Variants in UGT1A9 observed in about 807,000 individuals in gnomAD.
UGT1A9 encodes the protein UDP glucuronosyltransferase family 1 member A9, also known as UDP-glucuronosyltransferase 1A9.
In UGT1A9, 35 loss-of-function variants were observed where a neutral mutation model predicts 45.0. The ratio of observed to expected loss-of-function variants is 0.78; its 90% CI spans 0.59 to 1.03. UGT1A9 has a LOEUF of 1.03. Ranked by LOEUF, UGT1A9 falls within the 50% of genes least tolerant of loss-of-function variation. The pLI is 0.00. For synonymous variants in UGT1A9, 278 were observed against 250.6 expected, an observed-to-expected ratio of 1.11 and a Z score of -1.03; for missense variants, 687 against 666.6, an observed-to-expected ratio of 1.03 and a Z score of -0.34.
In UGT1A9 at chr2:233,757,560, A is replaced by ATATG. The variant is rs904896556; in HGVS notation, c.856-9473_856-9472insATGT. On this transcript the variant is annotated intron_variant, in intron 1 of 4. Transcript: ENST00000354728. The stretch of plus-strand genomic sequence containing the variant: ...AATATATATATATATATATATATAT[A>ATATG]TGTATATATGATATAGCTATAGTCT... 2.4e-4 allele frequency among the ~76,000 whole-genome samples: 29 copies of ATATG among 123,152 alleles called. 1 individual carries two copies. The highest frequency in any genetic ancestry group is 9.5e-4 in the African/African-American group (28 of 29,358). 80.8% of individuals were successfully genotyped at this position (123,152 alleles called of 152,430 possible). A position where few individuals can be genotyped will look rare whatever the true frequency, so the allele number is the denominator to read the frequency against.
At chr2:233,693,042 C>G (rs1189353497) in intron 1 of UGT1A9, 1 of 1,614,012 alleles carries the variant, frequency 6.2e-7, no homozygotes, top group Non-Finnish European at 8.5e-7. Flanking sequence ...AGAATTTCTG[C>G]AGGGGTTTTC....
intron 1 of UGT1A9, among the ~76,000 whole-genome samples, chr2:233,736,326 T>A (rs2078751393): frequency 6.6e-6 from 1 of 152,232 alleles, no homozygotes; most frequent in South Asian, 2.1e-4. Flanking sequence ...TGTGCATGTG[T>A]TATGAAGTTC....
At position 233,769,465 on chromosome 2, in the gene UGT1A9, G is replaced by A. The variant is rs34036745; in HGVS notation, c.1295+1026G>A. On this transcript the variant is annotated intron_variant, in intron 4 of 4. Coordinates refer to ENST00000354728, the MANE Select transcript of UGT1A9 (RefSeq NM_021027.3). The surrounding 1 kb of genome is among the most constrained non-coding windows in gnomAD (Gnocchi z 4.4). The stretch of plus-strand genomic sequence containing the variant: ...GGTGCACACGTGTGCATTCATATGC[G>A]TGTGTGTGTGTGTGCGTGTGTTTAT... The A allele has an allele frequency of 1.9e-4, 256 of 1,316,538 alleles. No homozygotes were observed. Among genetic ancestry groups the A allele is most frequent in the Non-Finnish European group, 2.3e-4 (217 of 963,564 alleles). The allele number at this position is 1,316,538 out of a possible 1,614,324, so 81.6% of individuals were successfully genotyped here.
intron 1 of UGT1A9, among the ~76,000 whole-genome samples, chr2:233,710,615 T>C (rs2076139654): frequency 6.6e-6 from 1 of 152,224 alleles, no homozygotes; most frequent in Non-Finnish European, 1.5e-5. Flanking sequence ...TTTGTCTTCT[T>C]ATATTTGAGT....
intron 4 of UGT1A9, 25 bp downstream of exon 4, chr2:233,768,464 A>G (rs902987402): frequency 1.9e-6 from 3 of 1,606,818 alleles, no homozygotes; most frequent in Non-Finnish European, 2.6e-6. Flanking sequence ...ACAGAAGAAT[A>G]CTTTGGTCAT....
At chr2:233,765,952 G>A (rs898895578) in intron 1 of UGT1A9, among the ~76,000 whole-genome samples, 1 of 152,064 alleles carries the variant, frequency 6.6e-6, no homozygotes, top group Non-Finnish European at 1.5e-5. Context: ...TGACCTCACC[G>A]GCAGTGTCTA....
Position 233,693,352 on chromosome 2 carries a change from G to C in UGT1A9, c.855+20563G>C, listed in dbSNP as rs757976622. 15 of 1,614,056 alleles carry C rather than the reference G, an allele frequency of 9.3e-6. No homozygotes were observed. Among genetic ancestry groups the C allele is most frequent in the Admixed American group, 1.7e-5 (1 of 59,998 alleles). On this transcript the variant is annotated intron_variant, in intron 1 of 4. Transcript: ENST00000354728. ...CTCAGACAGAGTACAGGAATAACAT[G>C]ATTGTTATTGGCCTGTACTTCATCA...
At chr2:233,742,513 G>A (rs934347498) in intron 1 of UGT1A9, among the ~76,000 whole-genome samples, 9 of 151,822 alleles carry the variant, frequency 5.9e-5, no homozygotes, top group Non-Finnish European at 1.2e-4. Flanking sequence ...TCATGAACAC[G>A]TCACAGTGCT....
intron 1 of UGT1A9, chr2:233,682,767 G>A: frequency 6.2e-7 from 1 of 1,613,624 alleles, no homozygotes. Context: ...GGTATCAACT[G>A]TCATCAGGGA....
chr2:233,717,831 A>C (rs1289598238), intron 1 of UGT1A9: 1 of 455,268 alleles, frequency 2.2e-6, no homozygotes, highest in Non-Finnish European at 4.4e-6. Flanking sequence ...TCTGTTCTGG[A>C]GGAACCATTC....
chr2:233,682,752 T>C (rs369493706), intron 1 of UGT1A9: 65 of 1,613,820 alleles, frequency 4.0e-5, no homozygotes, highest in Middle Eastern at 3.3e-4. Context: ...ATGATCTTCA[T>C]TGGTGGTATC....
chr2:233,727,816 A>G (rs759645481), intron 1 of UGT1A9, among the ~76,000 whole-genome samples: 3 of 152,170 alleles, frequency 2.0e-5, no homozygotes, highest in Non-Finnish European at 4.4e-5. Context: ...GTTCTGTCCA[A>G]AGGTGGAATC....
rs760844779 is a variant in UGT1A9 at position 233,772,567 on chromosome 2, G to A, written c.*8G>A. On this transcript the variant is annotated 3_prime_UTR_variant, in exon 5 of 5. Transcript: ENST00000354728. ...AAATCCAAGACCCATTGAGAAGTGG[G>A]TGGGAAATAAGGTAAAATTTTGAAC... 6.2e-7 allele frequency: 1 copy of A among 1,612,906 alleles called. No individual in the cohort carries two copies.
At chr2:233,723,129 G>A (rs1366176917) in intron 1 of UGT1A9, among the ~76,000 whole-genome samples, 2 of 137,690 alleles carry the variant, frequency 1.5e-5, no homozygotes, top group Non-Finnish European at 3.1e-5. Context: ...TTTCTGTACA[G>A]TACCAATTCT....
chr2:233,678,437 AGAGGTAGAG>A (rs1326741823), intron 1 of UGT1A9, among the ~76,000 whole-genome samples: 1 of 152,196 alleles, frequency 6.6e-6, no homozygotes, highest in Admixed American at 6.6e-5. Flanking sequence ...CAGAGGCAGA[AGAGGTAGAG>A]GAGGTGGAAG....
intron 1 of UGT1A9, chr2:233,730,092 A>G: frequency 1.3e-6 from 2 of 1,595,278 alleles, no homozygotes. Context: ...TTATCTTTCC[A>G]AATATTTCAT....
intron 1 of UGT1A9, among the ~76,000 whole-genome samples, chr2:233,704,631 AC>A (rs375388019): frequency 5.3e-5 from 8 of 152,238 alleles, no homozygotes; most frequent in Middle Eastern, 3.4e-3. Flanking sequence ...TGTTATATTA[AC>A]CTTTTTGCTT....
chr2:233,772,462 T>C lies in UGT1A9; in HGVS notation c.1496T>C (p.Val499Ala), dbSNP rs752117935. The C allele has an allele frequency of 6.2e-7, 1 of 1,614,170 alleles. No homozygotes were observed. Among genetic ancestry groups the C allele is most frequent in the South Asian group, 1.1e-5 (1 of 91,082 alleles). ...TTCCTCTTGGCCGTCGTGCTGACAG[T>C]GGCCTTCATCACCTTTAAATGTTGT... is the stretch of plus-strand genomic sequence containing the variant. ...IGFLLAVVLTVAFITFKCCAY... is the reference protein window; with the variant it reads ...IGFLLAVVLTAAFITFKCCAY... Residue 499 changes from valine to alanine, a missense_variant, in exon 5 of 5, where the codon GTG becomes GCG. Physicochemically the swap from Val to Ala is moderately conservative, Grantham distance 64. Transcript: ENST00000354728.
At chr2:233,705,712 T>A (rs2125601451) in intron 1 of UGT1A9, among the ~76,000 whole-genome samples, 1 of 152,350 alleles carries the variant, frequency 6.6e-6, no homozygotes, top group Admixed American at 6.5e-5. Flanking sequence ...ACCAGTATAT[T>A]GTTATCTTTT....
Sources: allele counts gnomAD v4.1 joint callset (sites outside exome capture counted in the v4.1 genomes callset), GRCh38; gene constraint gnomAD v4.1.1; non-coding constraint Gnocchi (gnomAD v3.1); transcripts MANE v1.5; gene names NCBI Gene and HGNC (gene_info 2026-07-23, HGNC 2026-07-21).